The following CNTLN variants were observed in gnomAD, a reference collection of about 807,000 sequenced individuals.
The protein encoded by CNTLN is centlein, centrosomal protein.
CNTLN carries 212 observed loss-of-function variants against 180.0 expected under a neutral mutation model. The ratio of observed to expected loss-of-function variants is 1.18; its 90% CI spans 1.05 to 1.32. CNTLN has a LOEUF of 1.32. Among genes scored for constraint, CNTLN ranks in the 40% most tolerant of loss-of-function variants. The pLI, the probability that CNTLN is intolerant of heterozygous loss-of-function variation, is 0.00. For synonymous variants in CNTLN, 722 were observed against 563.1 expected, an observed-to-expected ratio of 1.28 and a Z score of -3.99; for missense variants, 2,095 against 1,610.9, an observed-to-expected ratio of 1.30 and a Z score of -5.14.
chr9:17,508,904 G>A (rs1833981122), downstream of CNTLN, among the ~76,000 whole-genome samples: 1 of 152,202 alleles, frequency 6.6e-6, no homozygotes, highest in Admixed American at 6.5e-5. Context: ...ATGAAATCTG[G>A]AGAAGAGGTT....
chr9:17,416,424 C>T (rs1015946994), intron 18 of CNTLN, among the ~76,000 whole-genome samples: 11 of 152,064 alleles, frequency 7.2e-5, no homozygotes, highest in East Asian at 3.9e-4. Context: ...ACTTTACTAG[C>T]GTTCCTGTTC....
chr9:17,508,573 C>G (rs534716793), downstream of CNTLN, among the ~76,000 whole-genome samples: 1 of 152,298 alleles, frequency 6.6e-6, no homozygotes, highest in African/African-American at 2.4e-5. Context: ...CACTCACACC[C>G]TCCCTTTAAC....
chr9:17,195,408 G>C (rs1198650916), intron 2 of CNTLN, among the ~76,000 whole-genome samples: 2 of 152,034 alleles, frequency 1.3e-5, no homozygotes, highest in Non-Finnish European at 2.9e-5. Flanking sequence ...TTTGCTTCTT[G>C]ATGAAGACTA....
At chr9:17,301,427 C>A in intron 7 of CNTLN, 1 of 985,374 alleles carries the variant, frequency 1.0e-6, no homozygotes, top group East Asian at 1.1e-4. Context: ...AGAGAACAAA[C>A]TGAGATGTGC....
At chr9:17,326,453 A>G (rs1260912614) in intron 8 of CNTLN, among the ~76,000 whole-genome samples, 1 of 152,092 alleles carries the variant, frequency 6.6e-6, no homozygotes, top group African/African-American at 2.4e-5. Context: ...GCCCTTAAAA[A>G]GGTTAAAGAT....
At chr9:17,312,359 A>AT (rs1819206780) in intron 8 of CNTLN, among the ~76,000 whole-genome samples, 3 of 15,262 alleles carry the variant, frequency 2.0e-4, no homozygotes, top group Non-Finnish European at 4.2e-4. Flanking sequence ...ATATATATAT[A>AT]TATATTATAT....
intron 21 of CNTLN, 49 bp downstream of exon 21, chr9:17,464,672 A>G: frequency 8.6e-7 from 1 of 1,157,986 alleles, no homozygotes; most frequent in South Asian, 1.7e-5. Flanking sequence ...TTCCTGTTGT[A>G]ATTACTCTCT....
chr9:17,523,618 T>G, the CNTLN span, among the ~76,000 whole-genome samples: 2 of 152,192 alleles, frequency 1.3e-5, no homozygotes, highest in Admixed American at 6.5e-5. Flanking sequence ...AGTGGAAAAA[T>G]GAACTGGAAG....
chr9:17,166,863 A>G, intron 2 of CNTLN: 1 of 460,062 alleles, frequency 2.2e-6, no homozygotes. Flanking sequence ...AATATACCAA[A>G]AAAGATAAAA....
Position 17,394,740 on chromosome 9 carries a change from A to G in CNTLN, c.2286A>G (p.Val762=). The change falls in exon 15 of 26, where the codon GTA becomes GTG. Residue 762 remains valine, a synonymous_variant. Coordinates refer to ENST00000380647, the MANE Select transcript of CNTLN (RefSeq NM_017738.4). ...AAAAAGAAAATACTGAACTTCAAGT[A>G]AAAATCAGTGAGCTGGAGACAGAAG... The part of the protein sequence containing the change: ...DVEKENTELQ[V]KISELETEVT... The G allele has an allele frequency of 6.2e-7, 1 of 1,614,074 alleles. No individual in the cohort carries two copies. The highest frequency in any genetic ancestry group is 8.5e-7 in the Non-Finnish European group (1 of 1,179,980).
chr9:17,299,750 CTTG>C (rs1818216877), intron 7 of CNTLN: 1 of 979,106 alleles, frequency 1.0e-6, no homozygotes. Context: ...TTTATTAATA[CTTG>C]TTAATTGTTA....
chr9:17,527,002 C>T, the CNTLN span, among the ~76,000 whole-genome samples: 4 of 152,098 alleles, frequency 2.6e-5, no homozygotes, highest in Non-Finnish European at 4.4e-5. Flanking sequence ...CTCAGCTTCC[C>T]AAGTAGCTGG....
intron 14 of CNTLN, among the ~76,000 whole-genome samples, chr9:17,390,099 G>A (rs982085736): frequency 1.3e-5 from 2 of 152,060 alleles, no homozygotes; most frequent in African/African-American, 2.4e-5. Flanking sequence ...TAGACTCCAG[G>A]AATGTGAGAA....
At chr9:17,452,636 T>C (rs1472408593) in intron 18 of CNTLN, among the ~76,000 whole-genome samples, 1 of 152,220 alleles carries the variant, frequency 6.6e-6, no homozygotes, top group East Asian at 1.9e-4. Flanking sequence ...ATAACCTTTT[T>C]CTTACTGAAA....
chr9:17,330,617 T>C lies in CNTLN; in HGVS notation c.1342-15T>C, dbSNP rs774157951. 23 of 1,458,970 alleles carry C rather than the reference T, an allele frequency of 1.6e-5. No individual in the cohort carries two copies. The South Asian group carries it at 2.5e-4, about 16-fold the overall frequency. The allele number at this position is 1,458,970 out of a possible 1,614,324, so 90.4% of individuals were successfully genotyped here. On this transcript the variant is annotated splice_polypyrimidine_tract_variant and intron_variant, in intron 8 of 25. Transcript: ENST00000380647. ...AAACATAGATATCTATTTACAATTA[T>C]ACTTTTTAAAATAGGTACCTCATCG... is the stretch of plus-strand genomic sequence containing the variant.
At chr9:17,468,292 T>A (rs1831862365) in intron 23 of CNTLN, among the ~76,000 whole-genome samples, 1 of 151,626 alleles carries the variant, frequency 6.6e-6, no homozygotes, top group Non-Finnish European at 1.5e-5. Flanking sequence ...TTGGGTACTA[T>A]GTTTATTACC....
At chr9:17,269,801 A>C (rs936167646) in intron 5 of CNTLN, among the ~76,000 whole-genome samples, 1 of 152,020 alleles carries the variant, frequency 6.6e-6, no homozygotes, top group South Asian at 2.1e-4. Flanking sequence ...CTACTCCTCT[A>C]TTTCATTATT....
intron 3 of CNTLN, among the ~76,000 whole-genome samples, chr9:17,226,966 G>A (rs1175485444): frequency 6.6e-6 from 1 of 151,404 alleles, no homozygotes; most frequent in Non-Finnish European, 1.5e-5. Context: ...AAGTTCTAGG[G>A]TACATGTGCA....
chr9:17,136,112 G>A (rs533533924), intron 1 of CNTLN, among the ~76,000 whole-genome samples: 1 of 152,198 alleles, frequency 6.6e-6, no homozygotes, highest in African/African-American at 2.4e-5. Context: ...GTTTTTGTAA[G>A]GATGGACTTG....
Sources: allele counts gnomAD v4.1 joint callset (sites outside exome capture counted in the v4.1 genomes callset), GRCh38; gene constraint gnomAD v4.1.1; transcripts MANE v1.5; gene names NCBI Gene and HGNC (gene_info 2026-07-23, HGNC 2026-07-21).